CAPZB: variants seen among roughly 807,000 people sequenced by gnomAD.
CAPZB encodes F-actin-capping protein subunit beta.
CAPZB carries 2 observed loss-of-function variants against 38.1 expected under a neutral mutation model. That is an observed-to-expected ratio of 0.05 (90% CI 0.02 to 0.17). The LOEUF (loss-of-function observed/expected upper bound fraction) is 0.17, where lower values mean the gene tolerates loss of function less well. Among genes scored for constraint, CAPZB ranks in the 10% least tolerant of loss-of-function variants. The probability of loss-of-function intolerance (pLI) is 1.00; values close to 1 mark genes in which losing one functional copy is unlikely to be tolerated. For missense variants in CAPZB, 161 were observed against 334.2 expected (o/e 0.48, Z 4.04); for synonymous variants, 107 against 127.4 (o/e 0.84, Z 1.08).
At chr1:19,366,845 A>G (rs2094091227) in intron 4 of CAPZB, among the ~76,000 whole-genome samples, 1 of 152,194 alleles carries the variant, frequency 6.6e-6, no homozygotes, top group South Asian at 2.1e-4. Flanking sequence ...CTAGGGTAAA[A>G]AAGAAACTAA....
At chr1:19,484,975 G>A (rs2094645864) in intron 1 of CAPZB, among the ~76,000 whole-genome samples, 1 of 152,148 alleles carries the variant, frequency 6.6e-6, no homozygotes, top group Non-Finnish European at 1.5e-5. Flanking sequence ...AAAGGGGGAG[G>A]GACAGAGGGA....
At chr1:19,408,139 TG>T (rs2094341222) in intron 2 of CAPZB, among the ~76,000 whole-genome samples, 2 of 152,196 alleles carry the variant, frequency 1.3e-5, no homozygotes, top group Non-Finnish European at 2.9e-5. Context: ...TGCCCCACTG[TG>T]GGAGCCAAGG....
In CAPZB at chr1:19,413,763, A is replaced by G. The variant is rs192286586; in HGVS notation, c.93+5898T>C. On this transcript the variant is annotated intron_variant, in intron 2 of 8. Transcript: ENST00000264202. ...ATGTAAGCCTGCTTACTCTATTAAC[A>G]CAGATAAAGCAGATCCTATCTGGCC... 3.7e-3 allele frequency among the ~76,000 whole-genome samples: 556 copies of G among 152,274 alleles called. 5 individuals are homozygous for G. Among genetic ancestry groups the G allele is most frequent in the African/African-American group, 0.013 (534 of 41,556 alleles).
At chr1:19,451,369 G>A (rs558135364) in intron 1 of CAPZB, among the ~76,000 whole-genome samples, 1 of 152,324 alleles carries the variant, frequency 6.6e-6, no homozygotes, top group African/African-American at 2.4e-5. Context: ...CACTGACACA[G>A]ATGGCATGCA....
chr1:19,442,660 G>A (rs908032223), intron 1 of CAPZB, among the ~76,000 whole-genome samples: 5 of 152,158 alleles, frequency 3.3e-5, no homozygotes, highest in African/African-American at 7.2e-5. Flanking sequence ...GGGGCCAAAC[G>A]AAACCCTAAA....
intron 1 of CAPZB, among the ~76,000 whole-genome samples, chr1:19,473,014 G>A (rs2100786537): frequency 6.6e-6 from 1 of 152,216 alleles, no homozygotes; most frequent in African/African-American, 2.4e-5. Context: ...ACAGTGCCCG[G>A]CCCATTCTTC....
rs536720007 is a variant in CAPZB, at chr1:19,438,573, A to G, written c.4-18823T>C. Among the ~76,000 whole-genome samples, 7 of 152,272 alleles carry G rather than the reference A, an allele frequency of 4.6e-5. No individual in the cohort carries two copies. In the East Asian group the frequency reaches 5.8e-4, roughly 13 times the overall value. On this transcript the variant is annotated intron_variant, in intron 1 of 8. Transcript: ENST00000264202. Reference sequence around the variant, plus strand: ...ACCAAGGGGCTCTGAAAAATGACCAATGAGGCTTCCCGCCACTCAGAGGAA... The same window carrying G: ...ACCAAGGGGCTCTGAAAAATGACCAGTGAGGCTTCCCGCCACTCAGAGGAA...
chr1:19,369,806 T>C (rs1335823238), intron 4 of CAPZB, among the ~76,000 whole-genome samples: 3 of 152,218 alleles, frequency 2.0e-5, no homozygotes, highest in East Asian at 3.9e-4. Context: ...AGGATGTTCT[T>C]AAGCATTCTC....
At chr1:19,359,809 A>C (rs937430810) in intron 4 of CAPZB, among the ~76,000 whole-genome samples, 1 of 152,232 alleles carries the variant, frequency 6.6e-6, no homozygotes, top group African/African-American at 2.4e-5. Context: ...TGAGGCCCAG[A>C]GCTCACTGCT....
chr1:19,423,286 T>TA (rs2100531245), intron 1 of CAPZB, among the ~76,000 whole-genome samples: 1 of 152,160 alleles, frequency 6.6e-6, no homozygotes, highest in African/African-American at 2.4e-5. Context: ...ACGTTAAAAT[T>TA]AGAGTTAACT....
Position 19,339,241 on chromosome 1 carries a change from A to C in CAPZB, c.*289T>G. On this transcript the variant is annotated 3_prime_UTR_variant, in exon 9 of 9. Coordinates refer to ENST00000264202, the MANE Select transcript of CAPZB (RefSeq NM_004930.5). ...GCAGACAGTGGATTTTATGCCTATA[A>C]ATGGGGGGACAGGGAGGAAGACGGG... 2.3e-6 allele frequency: 1 copy of C among 425,852 alleles called. No homozygotes were observed. The highest frequency in any genetic ancestry group is 4.2e-6 in the Non-Finnish European group (1 of 236,290). The allele number at this position is 425,852 out of a possible 1,614,324, so 26.4% of individuals were successfully genotyped here.
intron 1 of CAPZB, among the ~76,000 whole-genome samples, chr1:19,450,835 T>A (rs999254882): frequency 6.6e-6 from 1 of 152,154 alleles, no homozygotes; most frequent in Non-Finnish European, 1.5e-5. Flanking sequence ...TGCAGACACA[T>A]ATACCACATT....
rs940074821 is a variant in CAPZB at position 19,357,583 on chromosome 1, G to A, written c.330-20C>T. The A allele has an allele frequency of 1.2e-6, 2 of 1,613,004 alleles. No individual in the cohort carries two copies. The highest frequency in any genetic ancestry group is 2.7e-5 in the African/African-American group (2 of 74,886). ...AAATACCTGCAGGAAACAGGCCAATGTGCCTGTTAGATGCTAAAGGACAGA... is the reference window on the plus strand; with the variant it reads ...AAATACCTGCAGGAAACAGGCCAATATGCCTGTTAGATGCTAAAGGACAGA... On this transcript the variant is annotated intron_variant, in intron 4 of 8. Coordinates refer to ENST00000264202, the MANE Select transcript of CAPZB (RefSeq NM_004930.5). This position sits in a 1 kb window ranked among gnomAD's most constrained non-coding sequence, Gnocchi z 4.3.
chr1:19,469,726 A>G (rs1047491227), intron 1 of CAPZB, among the ~76,000 whole-genome samples: 4 of 145,770 alleles, frequency 2.7e-5, no homozygotes, highest in African/African-American at 1.0e-4. Context: ...AAGATACTCA[A>G]AAGGAGGAAA....
rs1484941036 is a variant in CAPZB at position 19,339,523 on chromosome 1, C to T, written c.*7G>A. 1.9e-6 allele frequency: 3 copies of T among 1,605,670 alleles called. No homozygotes were observed. The South Asian group carries it at 3.3e-5, about 18-fold the overall frequency. On this transcript the variant is annotated 3_prime_UTR_variant, in exon 9 of 9. Transcript: ENST00000264202. ...CACGGCGTGTCTGGTTAGCATGAAA[C>T]AGAGGTTTAGCATTGCTGCTTTCTC... is the stretch of plus-strand genomic sequence containing the variant.
intron 3 of CAPZB, among the ~76,000 whole-genome samples, chr1:19,380,634 T>C (rs971256955): frequency 2.0e-5 from 3 of 152,246 alleles, no homozygotes; most frequent in Admixed American, 6.5e-5. Flanking sequence ...AAATCTGTGC[T>C]GTCCAAAACA....
chr1:19,387,728 T>C (rs10082330), intron 2 of CAPZB, among the ~76,000 whole-genome samples: 1,966 of 152,332 alleles, frequency 0.013, 41 homozygotes, highest in African/African-American at 0.044. Flanking sequence ...TAAGTCATTT[T>C]ACTTCTCTAC....
At chr1:19,342,043 C>A (rs2093932110) in intron 8 of CAPZB, among the ~76,000 whole-genome samples, 1 of 152,280 alleles carries the variant, frequency 6.6e-6, no homozygotes, top group South Asian at 2.1e-4. Context: ...CTGTCACAAG[C>A]TCAAGTCATG....
Position 19,450,165 on chromosome 1 carries a change from A to G in CAPZB, c.4-30415T>C, listed in dbSNP as rs796130481. 5.3e-4 allele frequency among the ~76,000 whole-genome samples: 68 copies of G among 128,186 alleles called. 1 individual carries two copies. Among genetic ancestry groups the G allele is most frequent in the Non-Finnish European group, 7.0e-4 (44 of 62,936 alleles). 84.1% of individuals were successfully genotyped at this position (128,186 alleles called of 152,430 possible). On this transcript the variant is annotated intron_variant, in intron 1 of 8. Coordinates refer to ENST00000264202, the MANE Select transcript of CAPZB (RefSeq NM_004930.5). ...TCTCCAAAAAAAAAAAAAAAAAAAA[A>G]AAAAGAAAAGAAAAGAAAAGAAGAA...
Sources: gnomAD v4.1 joint callset for allele counts (sites outside exome capture counted in the v4.1 genomes callset) on GRCh38, gnomAD v4.1.1 for gene constraint, Gnocchi (gnomAD v3.1) non-coding constraint, MANE v1.5 for transcripts, NCBI Gene and HGNC (gene_info 2026-07-23, HGNC 2026-07-21) for gene names.